RAB38: variants seen among roughly 807,000 people sequenced by gnomAD.
RAB38 encodes RAB38, member RAS oncogene family, also known as ras-related protein Rab-38.
A neutral mutation model predicts 18.4 loss-of-function variants in RAB38; 15 were observed. The observed-to-expected ratio is 0.82, with a 90% CI of 0.55 to 1.26. The LOEUF is 1.26. RAB38 is among the 50% of genes most tolerant of loss of function. The pLI, the probability that RAB38 is intolerant of heterozygous loss-of-function variation, is 0.00. For synonymous variants in RAB38, 101 were observed against 104.4 expected (o/e 0.97, Z 0.20); for missense variants, 294 against 267.4 (o/e 1.10, Z -0.69).
At chr11:88,068,608 G>A in the RAB38 span, among the ~76,000 whole-genome samples, 1 of 152,104 alleles carries the variant, frequency 6.6e-6, no homozygotes, top group African/African-American at 2.4e-5. Context: ...AATACTTTAT[G>A]AAGCTATTAT....
chr11:87,967,024 A>G, the RAB38 span, among the ~76,000 whole-genome samples: 1 of 152,228 alleles, frequency 6.6e-6, no homozygotes, highest in Non-Finnish European at 1.5e-5. Context: ...GGCATGGATA[A>G]TCCCTCTGGC....
chr11:88,098,020 A>G, the RAB38 span: 1 of 151,944 alleles, frequency 6.6e-6, no homozygotes, highest in Non-Finnish European at 1.5e-5. Context: ...TTGATTTATC[A>G]AGGGGAATGG....
the RAB38 span, among the ~76,000 whole-genome samples, chr11:88,017,593 T>C: frequency 1.3e-5 from 2 of 151,244 alleles, no homozygotes; most frequent in African/African-American, 4.8e-5. Flanking sequence ...CTGGCTTCTT[T>C]ATAACTCCCT....
the RAB38 span, among the ~76,000 whole-genome samples, chr11:88,078,690 A>G: frequency 6.6e-6 from 1 of 151,934 alleles, no homozygotes; most frequent in African/African-American, 2.4e-5. Context: ...CCATTAAGAT[A>G]GAGAGTAGAC....
the RAB38 span, among the ~76,000 whole-genome samples, chr11:87,922,783 A>G: frequency 6.6e-6 from 1 of 151,902 alleles, no homozygotes; most frequent in Non-Finnish European, 1.5e-5. Flanking sequence ...TAAAATAAAT[A>G]AGAAAGGAGG....
chr11:88,028,977 G>A, the RAB38 span, among the ~76,000 whole-genome samples: 1 of 152,154 alleles, frequency 6.6e-6, no homozygotes, highest in Non-Finnish European at 1.5e-5. Flanking sequence ...GGCAGCCAGA[G>A]AGAAAGGTCG....
At chr11:87,940,442 C>T in the RAB38 span, among the ~76,000 whole-genome samples, 1 of 152,022 alleles carries the variant, frequency 6.6e-6, no homozygotes, top group African/African-American at 2.4e-5. Context: ...CAGAATATTG[C>T]TAGACAACTC....
At chr11:87,861,049 T>C in the RAB38 span, among the ~76,000 whole-genome samples, 6 of 151,952 alleles carry the variant, frequency 3.9e-5, no homozygotes, top group Non-Finnish European at 7.4e-5. Context: ...ATAAAATCTT[T>C]AGGAGAACAA....
the RAB38 span, among the ~76,000 whole-genome samples, chr11:88,030,064 G>T: frequency 6.6e-6 from 1 of 152,036 alleles, no homozygotes; most frequent in Non-Finnish European, 1.5e-5. Context: ...TAGAACTCAG[G>T]ATTAAGAATC....
chr11:88,004,261 A>T, the RAB38 span, among the ~76,000 whole-genome samples: 1 of 149,886 alleles, frequency 6.7e-6, no homozygotes, highest in African/African-American at 2.4e-5. Flanking sequence ...CAAATTGATT[A>T]CAGCAATTTG....
the RAB38 span, among the ~76,000 whole-genome samples, chr11:88,066,171 C>T: frequency 1.3e-5 from 2 of 152,170 alleles, no homozygotes; most frequent in African/African-American, 4.8e-5. Context: ...TAAAAATACT[C>T]CTAACTCCTT....
At chr11:88,169,821 C>T (rs1346676689) in intron 1 of RAB38, among the ~76,000 whole-genome samples, 1 of 152,180 alleles carries the variant, frequency 6.6e-6, no homozygotes, top group Non-Finnish European at 1.5e-5. Context: ...TTATGTCTAT[C>T]AATGCTCTTT....
the RAB38 span, among the ~76,000 whole-genome samples, chr11:88,011,892 C>G: frequency 5.9e-5 from 9 of 152,292 alleles, no homozygotes; most frequent in Admixed American, 5.2e-4. Context: ...GTAAGGCACA[C>G]TGTCTTTTGA....
the RAB38 span, among the ~76,000 whole-genome samples, chr11:87,917,529 GTTTTTTT>G: frequency 1.4e-5 from 1 of 73,226 alleles, no homozygotes; most frequent in Non-Finnish European, 2.7e-5. Context: ...TCACTGAAGT[GTTTTTTT>G]TTTTTTTTTT....
At chr11:88,138,756 A>G (rs1031114653) in intron 2 of RAB38, among the ~76,000 whole-genome samples, 16 of 151,090 alleles carry the variant, frequency 1.1e-4, no homozygotes, top group African/African-American at 3.9e-4. Context: ...TGCATTTTAT[A>G]CATACAATTT....
the RAB38 span, among the ~76,000 whole-genome samples, chr11:87,856,681 C>T: frequency 6.6e-6 from 1 of 152,002 alleles, no homozygotes; most frequent in Non-Finnish European, 1.5e-5. Flanking sequence ...AGCTTGAGAA[C>T]CACTGCTTCT....
the RAB38 span, among the ~76,000 whole-genome samples, chr11:88,099,728 A>G: frequency 6.6e-6 from 1 of 151,894 alleles, no homozygotes; most frequent in Non-Finnish European, 1.5e-5. Flanking sequence ...CTCCTAGGAC[A>G]AGAGTGTTGG....
intron 2 of RAB38, among the ~76,000 whole-genome samples, chr11:88,121,728 A>T (rs967701646): frequency 6.6e-6 from 1 of 152,116 alleles, no homozygotes; most frequent in African/African-American, 2.4e-5. Context: ...ACGCCCAGCT[A>T]ATTTTTTGTA....
At chr11:88,004,136 T>G in the RAB38 span, among the ~76,000 whole-genome samples, 2 of 147,896 alleles carry the variant, frequency 1.4e-5, no homozygotes, top group Non-Finnish European at 3.0e-5. Context: ...ATTAAAATAC[T>G]GATAAAATAT....
Sources: allele counts gnomAD v4.1 joint callset (sites outside exome capture counted in the v4.1 genomes callset), GRCh38; gene constraint gnomAD v4.1.1; transcripts MANE v1.5; gene names NCBI Gene and HGNC (gene_info 2026-07-23, HGNC 2026-07-21).